The following SNTB1 variants were observed in gnomAD, a reference collection of about 807,000 sequenced individuals.
The protein encoded by SNTB1 is syntrophin beta 1.
In SNTB1, 36 loss-of-function variants were observed where a neutral mutation model predicts 48.9. The observed-to-expected ratio is 0.74, with a 90% CI of 0.56 to 0.97. The LOEUF is 0.97. SNTB1 is among the 50% of genes least tolerant of loss of function. SNTB1 has a pLI of 0.00. For synonymous variants in SNTB1, 299 were observed against 294.6 expected, an observed-to-expected ratio of 1.01 and a Z score of -0.15; for missense variants, 786 against 703.4, an observed-to-expected ratio of 1.12 and a Z score of -1.33.
At chr8:120,726,687 C>T (rs569436123) in intron 1 of SNTB1, among the ~76,000 whole-genome samples, 207 of 152,264 alleles carry the variant, frequency 1.4e-3, no homozygotes, top group South Asian at 6.8e-3. Context: ...ACTATTTCTG[C>T]TAGTGCCATA....
At chr8:120,776,252 C>T (rs149365320) in intron 1 of SNTB1, 1 of 152,202 alleles carries the variant, frequency 6.6e-6, no homozygotes, top group Non-Finnish European at 1.5e-5. Context: ...TAGGGATGTC[C>T]CCCTGCACCT....
At chr8:120,610,006 G>A (rs1197744318) in intron 3 of SNTB1, among the ~76,000 whole-genome samples, 2 of 152,188 alleles carry the variant, frequency 1.3e-5, no homozygotes, top group African/African-American at 4.8e-5. Context: ...GATCCATGAG[G>A]CTAGATCAAT....
chr8:120,640,841 T>G (rs1311069289), intron 2 of SNTB1, among the ~76,000 whole-genome samples: 1 of 152,184 alleles, frequency 6.6e-6, no homozygotes, highest in African/African-American at 2.4e-5. Context: ...AAAATTCTTT[T>G]TTTTGTTGTG....
intron 1 of SNTB1, among the ~76,000 whole-genome samples, chr8:120,712,598 GAA>G (rs1450058859): frequency 6.6e-6 from 1 of 152,048 alleles, no homozygotes. Flanking sequence ...TAGCAACTTA[GAA>G]AAGCTCAGTG....
chr8:120,728,364 G>T (rs1168893178), intron 1 of SNTB1, among the ~76,000 whole-genome samples: 1 of 152,050 alleles, frequency 6.6e-6, no homozygotes, highest in Admixed American at 6.6e-5. Context: ...TATTCAGGGG[G>T]TACACAGGCA....
At chr8:120,556,005 G>C in intron 4 of SNTB1, among the ~76,000 whole-genome samples, 1 of 152,138 alleles carries the variant, frequency 6.6e-6, no homozygotes, top group East Asian at 1.9e-4. Context: ...TCTGTTGTTG[G>C]CACCACCCAG....
chr8:120,601,046 C>T (rs949885859), intron 3 of SNTB1, among the ~76,000 whole-genome samples: 20 of 152,142 alleles, frequency 1.3e-4, no homozygotes, highest in African/African-American at 4.8e-4. Context: ...CCCAGCAGAC[C>T]CAGACAAAGA....
At chr8:120,653,822 A>G (rs1011048643) in intron 2 of SNTB1, among the ~76,000 whole-genome samples, 8 of 151,740 alleles carry the variant, frequency 5.3e-5, no homozygotes, top group Admixed American at 3.3e-4. Flanking sequence ...GGCGGATCAC[A>G]AGGTCAGGAG....
chr8:120,763,370 C>T (rs748632065), intron 1 of SNTB1, among the ~76,000 whole-genome samples: 36 of 152,150 alleles, frequency 2.4e-4, no homozygotes, highest in Non-Finnish European at 4.1e-4. Flanking sequence ...CATTGTTAGA[C>T]TAATTGTTAA....
rs1331126920 is a variant in SNTB1 at position 120,646,488 on chromosome 8, AC to A, written c.789-13838del. 2.0e-5 allele frequency among the ~76,000 whole-genome samples: 3 copies of A among 149,266 alleles called. No homozygotes were observed. In the South Asian group the frequency reaches 6.6e-4, roughly 33 times the overall value. On this transcript the variant is annotated intron_variant, in intron 2 of 6. Coordinates refer to ENST00000517992, the MANE Select transcript of SNTB1 (RefSeq NM_021021.4). The stretch of plus-strand genomic sequence containing the variant: ...ACATTTATTGATTTGCATATATTGA[AC>A]CAGCCTTGCATCCCAGGGATGAAGC...
chr8:120,581,578 T>C (rs903385951), intron 3 of SNTB1, among the ~76,000 whole-genome samples: 1 of 151,884 alleles, frequency 6.6e-6, no homozygotes, highest in Admixed American at 6.6e-5. Context: ...CACTCCAGCC[T>C]CGGCAACAGA....
chr8:120,669,583 G>A (rs1260309770), intron 2 of SNTB1, among the ~76,000 whole-genome samples: 1 of 88,332 alleles, frequency 1.1e-5, no homozygotes, highest in Non-Finnish European at 1.9e-5. Context: ...CTCCCGAGTA[G>A]CTGGGACTAC....
intron 1 of SNTB1, among the ~76,000 whole-genome samples, chr8:120,795,417 C>T (rs933595272): frequency 2.0e-5 from 3 of 152,016 alleles, no homozygotes; most frequent in Admixed American, 2.0e-4. Context: ...CAACCTTTGC[C>T]ATTGCCCAGC....
chr8:120,776,549 G>C (rs1819738974), intron 1 of SNTB1: 1 of 152,132 alleles, frequency 6.6e-6, no homozygotes, highest in Non-Finnish European at 1.5e-5. Context: ...TGCCAGAGCA[G>C]GATTACCAAA....
At chr8:120,622,866 T>C (rs1283091899) in intron 3 of SNTB1, among the ~76,000 whole-genome samples, 1 of 152,220 alleles carries the variant, frequency 6.6e-6, no homozygotes, top group African/African-American at 2.4e-5. Context: ...CTGATGTGCA[T>C]GTTGACTGGT....
At chr8:120,774,494 A>C (rs1819698272) in intron 1 of SNTB1, among the ~76,000 whole-genome samples, 1 of 152,168 alleles carries the variant, frequency 6.6e-6, no homozygotes, top group Admixed American at 6.5e-5. Flanking sequence ...TACGGAGTGG[A>C]GGGAAGGCAG....
At chr8:120,579,897 T>G (rs772266173) in intron 3 of SNTB1, among the ~76,000 whole-genome samples, 1 of 152,132 alleles carries the variant, frequency 6.6e-6, no homozygotes, top group Non-Finnish European at 1.5e-5. Flanking sequence ...AAACAGGCAA[T>G]CCTTAAAAAT....
intron 2 of SNTB1, among the ~76,000 whole-genome samples, chr8:120,683,765 C>A (rs1409838097): frequency 6.6e-6 from 1 of 152,180 alleles, no homozygotes; most frequent in Non-Finnish European, 1.5e-5. Context: ...TTCCAGTTCT[C>A]TCTCCTGGAC....
chr8:120,658,665 G>A (rs1451935286), intron 2 of SNTB1, among the ~76,000 whole-genome samples: 1 of 152,198 alleles, frequency 6.6e-6, no homozygotes, highest in Non-Finnish European at 1.5e-5. Context: ...AATTGCTAAT[G>A]ATCATCTGAG....
Sources: allele counts gnomAD v4.1 joint callset (sites outside exome capture counted in the v4.1 genomes callset), GRCh38; gene constraint gnomAD v4.1.1; transcripts MANE v1.5; gene names NCBI Gene and HGNC (gene_info 2026-07-23, HGNC 2026-07-21).